The following ADGRL3 variants were observed in gnomAD, a reference collection of about 807,000 sequenced individuals.
The protein encoded by ADGRL3 is calcium-independent alpha-latrotoxin receptor 3.
ADGRL3 carries 62 observed loss-of-function variants against 153.5 expected under a neutral mutation model. That is an observed-to-expected ratio of 0.40 (90% CI 0.33 to 0.50). The LOEUF (loss-of-function observed/expected upper bound fraction) is 0.50. ADGRL3 is among the 20% of genes least tolerant of loss of function. ADGRL3 has a pLI of 0.47. For missense variants in ADGRL3, 1,641 were observed against 1,859.4 expected (o/e 0.88, Z 2.16); for synonymous variants, 710 against 672.5 (o/e 1.06, Z -0.86).
chr4:61,443,356 T>C (rs1233547955), intron 2 of ADGRL3, among the ~76,000 whole-genome samples: 2 of 152,188 alleles, frequency 1.3e-5, no homozygotes, highest in East Asian at 3.8e-4. Context: ...AATTTTTATC[T>C]TTTAAAGTCA....
chr4:61,798,724 T>C (rs904748963), intron 8 of ADGRL3, among the ~76,000 whole-genome samples: 5 of 151,584 alleles, frequency 3.3e-5, no homozygotes, highest in African/African-American at 1.2e-4. Flanking sequence ...TTCCAGGGAT[T>C]CTCCTGCCTT....
At chr4:61,487,486 T>A (rs2098209564) in intron 2 of ADGRL3, among the ~76,000 whole-genome samples, 1 of 152,124 alleles carries the variant, frequency 6.6e-6, no homozygotes, top group Admixed American at 6.5e-5. Context: ...TTATTTTTCT[T>A]GGTTCTCTGT....
chr4:61,538,756 T>C (rs1560805549), intron 4 of ADGRL3, among the ~76,000 whole-genome samples: 1 of 152,116 alleles, frequency 6.6e-6, no homozygotes, highest in Non-Finnish European at 1.5e-5. Flanking sequence ...AGCAGGATTT[T>C]ATTTGGTGGT....
intron 5 of ADGRL3, among the ~76,000 whole-genome samples, chr4:61,597,060 C>T (rs1436261778): frequency 6.7e-6 from 1 of 149,982 alleles, no homozygotes; most frequent in Admixed American, 6.7e-5. Flanking sequence ...GGGCTAATTT[C>T]AATATATAAA....
intron 9 of ADGRL3, among the ~76,000 whole-genome samples, chr4:61,848,513 A>G (rs567542904): frequency 6.6e-6 from 1 of 151,964 alleles, no homozygotes; most frequent in East Asian, 2.0e-4. Flanking sequence ...GGCCCACCCC[A>G]CTCCAGTATG....
chr4:61,668,264 G>A (rs2094869773), intron 5 of ADGRL3, among the ~76,000 whole-genome samples: 1 of 152,186 alleles, frequency 6.6e-6, no homozygotes, highest in Non-Finnish European at 1.5e-5. Flanking sequence ...GCCGAAGAAT[G>A]AGGGCACAGC....
chr4:61,969,992 T>G (rs1008805898), intron 17 of ADGRL3, among the ~76,000 whole-genome samples: 7 of 152,158 alleles, frequency 4.6e-5, no homozygotes, highest in African/African-American at 1.7e-4. Flanking sequence ...AAGCAAAAAT[T>G]TACTGCTAAA....
intron 13 of ADGRL3, among the ~76,000 whole-genome samples, chr4:61,924,929 C>T (rs1393958691): frequency 1.3e-5 from 2 of 152,098 alleles, no homozygotes; most frequent in Non-Finnish European, 2.9e-5. Flanking sequence ...CTTCCCTTGC[C>T]AGAATGTTCA....
At chr4:61,713,100 T>C (rs1449515716) in intron 6 of ADGRL3, among the ~76,000 whole-genome samples, 1 of 152,168 alleles carries the variant, frequency 6.6e-6, no homozygotes, top group Non-Finnish European at 1.5e-5. Context: ...TTTAATTATG[T>C]AAATATTAAT....
intron 9 of ADGRL3, among the ~76,000 whole-genome samples, chr4:61,865,266 T>TAA (rs35700373): frequency 4.0e-5 from 6 of 151,850 alleles, no homozygotes; most frequent in Non-Finnish European, 4.4e-5. Flanking sequence ...CAAGCTACTT[T>TAA]AAAAAAATTC....
chr4:61,323,180 A>G (rs373050301), intron 1 of ADGRL3, among the ~76,000 whole-genome samples: 4 of 152,190 alleles, frequency 2.6e-5, no homozygotes, highest in East Asian at 3.9e-4. Context: ...GAAGCAGGGC[A>G]TCAAGTCCCT....
intron 2 of ADGRL3, among the ~76,000 whole-genome samples, chr4:61,482,015 A>G (rs535884934): frequency 2.6e-4 from 39 of 152,318 alleles, no homozygotes; most frequent in African/African-American, 8.7e-4. Context: ...ATATAAATCA[A>G]TGTCCAAAAA....
intron 6 of ADGRL3, among the ~76,000 whole-genome samples, chr4:61,694,198 T>A (rs999043314): frequency 2.0e-5 from 1 of 49,646 alleles, no homozygotes; most frequent in Non-Finnish European, 3.3e-5. Context: ...TTTTTTTTTT[T>A]TTTTTTTTTT....
chr4:61,201,034 G>A lies in ADGRL3; in HGVS notation c.-971G>A, dbSNP rs947415957. Among the ~76,000 whole-genome samples the A allele has an allele frequency of 1.3e-5, 2 of 152,190 alleles. No individual in the cohort carries two copies. Among genetic ancestry groups the A allele is most frequent in the East Asian group, 3.9e-4 (2 of 5,172 alleles). ...TTGCGGGCTTGAGAGGGGACCCTCG[G>A]CTGGGAGAGAGCCTCGGGAGGACGA... On this transcript the variant is annotated 5_prime_UTR_variant, in exon 1 of 27. Coordinates refer to ENST00000683033, the MANE Select transcript of ADGRL3 (RefSeq NM_001387552.1).
At chr4:61,695,666 C>T (rs1000444647) in intron 6 of ADGRL3, among the ~76,000 whole-genome samples, 3 of 152,136 alleles carry the variant, frequency 2.0e-5, no homozygotes, top group East Asian at 1.9e-4. Flanking sequence ...TGAAGTTTTA[C>T]GGCCAGACCT....
chr4:61,359,142 C>T (rs2096244006), intron 1 of ADGRL3, among the ~76,000 whole-genome samples: 1 of 152,162 alleles, frequency 6.6e-6, no homozygotes, highest in African/African-American at 2.4e-5. Flanking sequence ...ACCTTATGTA[C>T]ATTGAGATAT....
intron 1 of ADGRL3, among the ~76,000 whole-genome samples, chr4:61,360,506 C>T (rs2096266567): frequency 6.6e-6 from 1 of 151,944 alleles, no homozygotes; most frequent in African/African-American, 2.4e-5. Context: ...TAAAAAAATT[C>T]CGGCAAGTTA....
At chr4:61,487,352 T>C (rs2098207473) in intron 2 of ADGRL3, among the ~76,000 whole-genome samples, 1 of 152,172 alleles carries the variant, frequency 6.6e-6, no homozygotes, top group Non-Finnish European at 1.5e-5. Context: ...GGAGTTTTTA[T>C]AGGATATACA....
Position 61,587,066 on chromosome 4 carries a change from T to A in ADGRL3, c.260-161T>A, listed in dbSNP as rs551769355. ...GATTAGAAGAAAAATATTTATAAAG[T>A]TACTGAAGAGAAAAATATTCTAGTT... On this transcript the variant is annotated intron_variant, in intron 4 of 26. Transcript: ENST00000683033. Among the ~76,000 whole-genome samples the A allele has an allele frequency of 3.3e-5, 5 of 152,142 alleles. No individual in the cohort carries two copies. The South Asian group carries it at 8.3e-4, about 25-fold the overall frequency.
Sources: gnomAD v4.1 joint callset for allele counts (sites outside exome capture counted in the v4.1 genomes callset) on GRCh38, gnomAD v4.1.1 for gene constraint, MANE v1.5 for transcripts, NCBI Gene and HGNC (gene_info 2026-07-23, HGNC 2026-07-21) for gene names.